Variants in ADAM20 observed in about 807,000 individuals in gnomAD.
The protein encoded by ADAM20 is disintegrin and metalloproteinase domain-containing protein 20.
For synonymous variants in ADAM20, 305 were observed against 310.2 expected, an observed-to-expected ratio of 0.98 and a Z score of 0.18; for missense variants, 871 against 883.2, an observed-to-expected ratio of 0.99 and a Z score of 0.18.
chr14:70,540,528 C>T, the ADAM20 span, among the ~76,000 whole-genome samples: 1 of 152,116 alleles, frequency 6.6e-6, no homozygotes, highest in African/African-American at 2.4e-5. Flanking sequence ...CTTATCTCTG[C>T]CAAATACTAT....
At chr14:70,573,011 A>G in the ADAM20 span, among the ~76,000 whole-genome samples, 1 of 152,160 alleles carries the variant, frequency 6.6e-6, no homozygotes, top group East Asian at 1.9e-4. Flanking sequence ...CAACCCCTGT[A>G]GAAAAATAGT....
the ADAM20 span, among the ~76,000 whole-genome samples, chr14:70,576,689 A>G: frequency 3.6e-3 from 547 of 152,296 alleles, 3 homozygotes; most frequent in African/African-American, 0.013. Flanking sequence ...GCAGGGTAAC[A>G]GAAGGAGGTC....
the ADAM20 span, among the ~76,000 whole-genome samples, chr14:70,566,657 C>A: frequency 6.6e-6 from 1 of 152,172 alleles, no homozygotes; most frequent in African/African-American, 2.4e-5. Context: ...CAGAGATCAA[C>A]CCCAGAGAAA....
Position 70,523,804 on chromosome 14 carries a change from C to A in ADAM20, c.954G>T (p.Gln318His). ...LGVAYVKGICQNPFNTGVDVF... is the reference protein window; with the variant it reads ...LGVAYVKGICHNPFNTGVDVF... ...CATCAACTCCAGTATTAAAAGGATT[C>A]TGGCATATTCCTTTAACATAGGCAA... is the stretch of plus-strand genomic sequence containing the variant. Residue 318 changes from glutamine (Q) to histidine (H), a missense_variant, in exon 2 of 2, where the codon CAG becomes CAT. Coordinates refer to ENST00000256389, the MANE Select transcript of ADAM20 (RefSeq NM_003814.5). 6.2e-7 allele frequency: 1 copy of A among 1,614,066 alleles called. No individual in the cohort carries two copies. The highest frequency in any genetic ancestry group is 8.5e-7 in the Non-Finnish European group (1 of 1,179,986).
the ADAM20 span, among the ~76,000 whole-genome samples, chr14:70,567,724 T>C: frequency 1.3e-5 from 2 of 152,076 alleles, no homozygotes; most frequent in East Asian, 3.9e-4. Flanking sequence ...CAGAGTTGCC[T>C]GCCCTGAACT....
Position 70,523,568 on chromosome 14 carries a change from G to A in ADAM20, c.1190C>T (p.Pro397Leu), listed in dbSNP as rs749707809. The part of the protein sequence containing the change: ...STISSGLCIQ[P>L]PPYPGNIFRL... ...AAATATATTCCCTGGATATGGAGGCGGTTGAATACATAATCCACTACTGAT... is the reference window on the plus strand; with the variant it reads ...AAATATATTCCCTGGATATGGAGGCAGTTGAATACATAATCCACTACTGAT... The change falls in exon 2 of 2, where the codon CCG (proline) becomes CTG (leucine). Residue 397 changes from proline (P) to leucine (L), a missense_variant. Transcript: ENST00000256389. The A allele has an allele frequency of 1.5e-5, 25 of 1,613,884 alleles. No homozygotes were observed. The highest frequency in any genetic ancestry group is 1.1e-4 in the East Asian group (5 of 44,888).
At chr14:70,525,764 G>A (rs1883576592) in intron 1 of ADAM20, among the ~76,000 whole-genome samples, 1 of 151,988 alleles carries the variant, frequency 6.6e-6, no homozygotes, top group Non-Finnish European at 1.5e-5. Flanking sequence ...CTAGTATTGA[G>A]AAACCTCCTC....
At chr14:70,545,479 C>A in the ADAM20 span, among the ~76,000 whole-genome samples, 2 of 151,930 alleles carry the variant, frequency 1.3e-5, no homozygotes, top group Non-Finnish European at 2.9e-5. Flanking sequence ...AAGAAATGTA[C>A]TTCACCTATA....
upstream of ADAM20, among the ~76,000 whole-genome samples, chr14:70,537,555 T>C (rs1883862243): frequency 6.6e-6 from 1 of 152,212 alleles, no homozygotes; most frequent in African/African-American, 2.4e-5. Context: ...GGAAGAAATC[T>C]TGGGTATGTC....
the ADAM20 span, among the ~76,000 whole-genome samples, chr14:70,574,649 A>G: frequency 2.0e-5 from 3 of 151,574 alleles, no homozygotes; most frequent in South Asian, 2.1e-4. Context: ...CAAAAAAAAA[A>G]AGAAAGAAAG....
At chr14:70,555,791 T>A in the ADAM20 span, among the ~76,000 whole-genome samples, 1 of 152,194 alleles carries the variant, frequency 6.6e-6, no homozygotes, top group Non-Finnish European at 1.5e-5. Context: ...CTCGTCCCTC[T>A]GCACCCTCTT....
chr14:70,532,017 C>T (rs906116802), intron 1 of ADAM20, among the ~76,000 whole-genome samples: 1 of 151,950 alleles, frequency 6.6e-6, no homozygotes, highest in South Asian at 2.1e-4. Flanking sequence ...TATAAAGAAG[C>T]ACAAATGGCC....
At chr14:70,561,699 G>A in the ADAM20 span, among the ~76,000 whole-genome samples, 1 of 152,256 alleles carries the variant, frequency 6.6e-6, no homozygotes, top group Non-Finnish European at 1.5e-5. Flanking sequence ...TCCAGCTCCA[G>A]CCATGGCTAA....
chr14:70,554,703 C>T, the ADAM20 span, among the ~76,000 whole-genome samples: 1 of 152,080 alleles, frequency 6.6e-6, no homozygotes, highest in Non-Finnish European at 1.5e-5. Context: ...CTAAAATAGA[C>T]TCACAGAAGC....
the ADAM20 span, among the ~76,000 whole-genome samples, chr14:70,578,806 T>C: frequency 6.6e-6 from 1 of 152,062 alleles, no homozygotes; most frequent in South Asian, 2.1e-4. Flanking sequence ...GTAGGGAACA[T>C]AGTACTTGAT....
chr14:70,560,029 G>A, the ADAM20 span, among the ~76,000 whole-genome samples: 28 of 152,180 alleles, frequency 1.8e-4, no homozygotes, highest in Non-Finnish European at 4.4e-5. Flanking sequence ...GGGAGAAAAT[G>A]TAGGAAAATC....
rs147580598 is a variant in ADAM20, at chr14:70,524,115, C to T, written c.643G>A (p.Val215Met). Residue 215 changes from valine (V) to methionine (M), a missense_variant, in exon 2 of 2, where the codon GTG becomes ATG. Coordinates refer to ENST00000256389, the MANE Select transcript of ADAM20 (RefSeq NM_003814.5). Reference sequence around the variant, plus strand: ...GAGAAAAGATATCTAATATTATCCACGACCACTACCAGCTCAACAAACCGC... The same window carrying T: ...GAGAAAAGATATCTAATATTATCCATGACCACTACCAGCTCAACAAACCGC... The part of the protein sequence containing the change: ...HQRFVELVVV[V>M]DNIRYLFSQS... 2.3e-5 allele frequency: 37 copies of T among 1,613,738 alleles called. No individual in the cohort carries two copies. In the Admixed American group the frequency reaches 3.0e-4, roughly 13 times the overall value.
rs1883517729 is a variant in ADAM20 at position 70,523,885 on chromosome 14, T to C, written c.873A>G (p.Leu291=). 1 of 1,613,976 alleles carries C rather than the reference T, an allele frequency of 6.2e-7. No homozygotes were observed. The highest frequency in any genetic ancestry group is 8.5e-7 in the Non-Finnish European group (1 of 1,179,936). ...IWKNYNLNNR[L]QHDVAHLFIK... ...TGAAAAGATGTGCAACATCATGTTG[T>C]AGTCGATTATTAAGGTTATAATTCT... is the stretch of plus-strand genomic sequence containing the variant. The change falls in exon 2 of 2, where the codon CTA becomes CTG. Residue 291 remains leucine, a synonymous_variant. Transcript: ENST00000256389.
rs1883478193 is a variant in ADAM20, at chr14:70,522,704, A to C, written c.2054T>G (p.Leu685Ter). Residue 685 changes from leucine (L) to a stop codon, truncating the protein, a stop_gained, in exon 2 of 2, where the codon TTA becomes TGA. Coordinates refer to ENST00000256389, the MANE Select transcript of ADAM20 (RefSeq NM_003814.5). LOFTEE classifies it low-confidence loss of function (END_TRUNC). ...GTAACGCAACTTTCCCATCACATTT[A>C]ATCCTTCCATGTTGTTCTTAGGAGG... ...GPPPKNNMEG[L>*]NVMGKLRYLS... is the part of the protein sequence containing the mutation. The C allele has an allele frequency of 6.2e-7, 1 of 1,614,062 alleles. No individual in the cohort carries two copies. The highest frequency in any genetic ancestry group is 8.5e-7 in the Non-Finnish European group (1 of 1,179,930).
Sources: allele counts gnomAD v4.1 joint callset (sites outside exome capture counted in the v4.1 genomes callset), GRCh38; gene constraint gnomAD v4.1.1; transcripts MANE v1.5; gene names NCBI Gene and HGNC (gene_info 2026-07-23, HGNC 2026-07-21).